The following REXO4 variants were observed in gnomAD, a reference collection of about 807,000 sequenced individuals.
The protein encoded by REXO4 is REX4 homolog, 3'-5' exonuclease.
REXO4 carries 29 observed loss-of-function variants against 39.9 expected under a neutral mutation model. That is an observed-to-expected ratio of 0.73 (90% CI 0.54 to 0.99). REXO4 has a LOEUF of 0.99. Ranked by LOEUF, REXO4 falls within the 50% of genes least tolerant of loss-of-function variation. The pLI, the probability that REXO4 is intolerant of heterozygous loss-of-function variation, is 0.00. For missense variants in REXO4, 524 were observed against 546.5 expected, an observed-to-expected ratio of 0.96 and a Z score of 0.41; for synonymous variants, 184 against 206.2, an observed-to-expected ratio of 0.89 and a Z score of 0.92.
rs782156575 is a variant in REXO4 at position 133,407,890 on chromosome 9, G to C, written c.1075-9C>G. ...AGAGACGGCCTTCCACTCTGCAAAGGGGGAAGAGGCGGGTGGGGGCCTCTG... is the reference window on the plus strand; with the variant it reads ...AGAGACGGCCTTCCACTCTGCAAAGCGGGAAGAGGCGGGTGGGGGCCTCTG... On this transcript the variant is annotated splice_polypyrimidine_tract_variant and intron_variant, in intron 6 of 7. Coordinates refer to ENST00000371942, the MANE Select transcript of REXO4 (RefSeq NM_020385.4). The C allele has an allele frequency of 3.8e-5, 61 of 1,612,302 alleles. No individual in the cohort carries two copies. Among genetic ancestry groups the C allele is most frequent in the Middle Eastern group, 1.6e-4 (1 of 6,080 alleles).
intron 5 of REXO4, among the ~76,000 whole-genome samples, chr9:133,409,650 C>T (rs950591297): frequency 6.6e-6 from 1 of 152,178 alleles, no homozygotes; most frequent in Non-Finnish European, 1.5e-5. Flanking sequence ...CAGCCTTAAC[C>T]TCCTGGGCTC....
intron 5 of REXO4, among the ~76,000 whole-genome samples, chr9:133,410,432 T>C (rs961751939): frequency 6.6e-6 from 1 of 152,232 alleles, no homozygotes; most frequent in Non-Finnish European, 1.5e-5. Flanking sequence ...CCATGACGCC[T>C]TCCCTGCCCA....
Position 133,413,027 on chromosome 9 carries a change from G to A in REXO4, c.573-106C>T, listed in dbSNP as rs1839319243. 3.2e-6 allele frequency: 4 copies of A among 1,269,306 alleles called. No individual in the cohort carries two copies. The Admixed American group carries it at 8.3e-5, about 26-fold the overall frequency. The allele number at this position is 1,269,306 out of a possible 1,614,324, so 78.6% of individuals were successfully genotyped here. ...GGTGAGTGGAGCGATGGCACAGCCT[G>A]CCTCTCCCACAGGCTGGCCCCAGAC... On this transcript the variant is annotated intron_variant, in intron 2 of 7. Transcript: ENST00000371942.
intron 1 of REXO4, among the ~76,000 whole-genome samples, chr9:133,416,804 G>T (rs587683055): frequency 3.3e-5 from 5 of 152,304 alleles, no homozygotes; most frequent in African/African-American, 1.2e-4. Flanking sequence ...TAGCGATGAT[G>T]GAAGTGTCCA....
intron 6 of REXO4, among the ~76,000 whole-genome samples, chr9:133,408,365 G>A (rs1417141885): frequency 6.6e-6 from 1 of 152,096 alleles, no homozygotes; most frequent in African/African-American, 2.4e-5. Context: ...AGGCTAAGGT[G>A]GAAGGATTGC....
chr9:133,411,040 G>A lies in REXO4; in HGVS notation c.944C>T (p.Ala315Val). ...TAGAATTCTGCCCTTCAGCATCTCT[G>A]CCACTTCCTTCTGAACAACTTCAAG... ...EELEVVQKEV[A>V]EMLKGRILVG... is the part of the protein sequence containing the mutation. The change falls in exon 5 of 8, where the codon GCA becomes GTA. Residue 315 changes from alanine (A) to valine (V), a missense_variant. Transcript: ENST00000371942. The A allele has an allele frequency of 6.2e-7, 1 of 1,614,092 alleles. No homozygotes were observed. The highest frequency in any genetic ancestry group is 8.5e-7 in the Non-Finnish European group (1 of 1,179,996).
chr9:133,410,275 T>C (rs782325097), intron 5 of REXO4, among the ~76,000 whole-genome samples: 1 of 152,208 alleles, frequency 6.6e-6, no homozygotes, highest in Non-Finnish European at 1.5e-5. Flanking sequence ...CTGTTCCCAC[T>C]GTGTCCTTTA....
At position 133,417,785 on chromosome 9, in the gene REXO4, C is replaced by A; in HGVS notation, c.60G>T (p.Pro20=). Residue 20 remains proline, a synonymous_variant, in exon 1 of 8, where the codon CCG becomes CCT. Transcript: ENST00000371942. ...TCCGAGTGAGCGTCTTGACAGGACC[C>A]GGCTTAGCCACGGGGCTGCTCGGGG... is the stretch of plus-strand genomic sequence containing the variant. The part of the protein sequence containing the change: ...KRAPSSPVAK[P]GPVKTLTRKK... The A allele has an allele frequency of 6.2e-7, 1 of 1,610,442 alleles. No individual in the cohort carries two copies. The highest frequency in any genetic ancestry group is 8.5e-7 in the Non-Finnish European group (1 of 1,179,872).
rs1554781214 is a variant in REXO4 at position 133,414,876 on chromosome 9, C to G, written c.361G>C (p.Ala121Pro). The G allele has an allele frequency of 1.2e-6, 2 of 1,614,140 alleles. No individual in the cohort carries two copies. Among genetic ancestry groups the G allele is most frequent in the Non-Finnish European group, 1.7e-6 (2 of 1,180,024 alleles). ...SPQVKGEEMP[A>P]GKDQEASRGS... ...CTGCTGGCCTCCTGGTCTTTTCCTG[C>G]CGGCATCTCCTCTCCCTTCACTTGA... Residue 121 changes from alanine (A) to proline (P), a missense_variant, in exon 2 of 8, where the codon GCA becomes CCA. Transcript: ENST00000371942.
Position 133,412,291 on chromosome 9 carries a change from T to A in REXO4, c.910+8A>T, listed in dbSNP as rs182537099. On this transcript the variant is annotated splice_region_variant and intron_variant, in intron 4 of 7. Transcript: ENST00000371942. ...CCCTTCTAAGTTCCTGAGCTGTGGATGACATACCCTGCTTGAGGTTCTCAG... is the reference window on the plus strand; with the variant it reads ...CCCTTCTAAGTTCCTGAGCTGTGGAAGACATACCCTGCTTGAGGTTCTCAG... The A allele has an allele frequency of 2.5e-6, 4 of 1,612,660 alleles. No homozygotes were observed. Among genetic ancestry groups the A allele is most frequent in the African/African-American group, 2.7e-5 (2 of 75,026 alleles).
At chr9:133,417,038 T>C (rs1839667931) in intron 1 of REXO4, among the ~76,000 whole-genome samples, 2 of 152,156 alleles carry the variant, frequency 1.3e-5, no homozygotes, top group Admixed American at 6.5e-5. Flanking sequence ...TGAGATGGAG[T>C]CTCGCTCTGT....
At chr9:133,414,588 A>G in intron 2 of REXO4, 77 bp downstream of exon 2, 1 of 1,306,062 alleles carries the variant, frequency 7.7e-7, no homozygotes, top group Admixed American at 1.7e-5. Flanking sequence ...CGGTGAGGCC[A>G]CCAGCCTCCA....
rs1228376554 is a variant in REXO4, at chr9:133,412,419, G to A, written c.790C>T (p.Arg264Cys). 2.5e-6 allele frequency: 4 copies of A among 1,614,022 alleles called. No homozygotes were observed. Among genetic ancestry groups the A allele is most frequent in the African/African-American group, 1.3e-5 (1 of 74,990 alleles). ...CCATACTGGTTCACGATGGACACAC[G>A]GGCGGCCATGCTCTCCTCCCCCTTA... The part of the protein sequence containing the change: ...GPKGEESMAA[R>C]VSIVNQYGKC... Residue 264 changes from arginine (R) to cysteine (C), a missense_variant, in exon 4 of 8, where the codon CGT (arginine) becomes TGT (cysteine). Transcript: ENST00000371942.
At position 133,416,301 on chromosome 9, in the gene REXO4, G is replaced by A. The variant is rs1839596845; in HGVS notation, c.226-1290C>T. ...GGAGGGCACCAAGTCATTCATGAGGGATCTACCCCCATGACCCAATACCTC... is the reference window on the plus strand; with the variant it reads ...GGAGGGCACCAAGTCATTCATGAGGAATCTACCCCCATGACCCAATACCTC... On this transcript the variant is annotated intron_variant, in intron 1 of 7. Coordinates refer to ENST00000371942, the MANE Select transcript of REXO4 (RefSeq NM_020385.4). Among the ~76,000 whole-genome samples, 5 of 152,264 alleles carry A rather than the reference G, an allele frequency of 3.3e-5. No homozygotes were observed. The South Asian group carries it at 6.2e-4, about 19-fold the overall frequency.
In REXO4 at chr9:133,406,994, G is replaced by A; in HGVS notation, c.1228C>T (p.Pro410Ser). 6.2e-7 allele frequency: 1 copy of A among 1,612,912 alleles called. No homozygotes were observed. Among genetic ancestry groups the A allele is most frequent in the Non-Finnish European group, 8.5e-7 (1 of 1,180,000 alleles). Reference protein sequence around the residue: ...EWESMARDRRPLLTAPDHCSD... With the variant: ...EWESMARDRRSLLTAPDHCSD... ...CAGTGGTCTGGAGCAGTCAGCAGGGGGCGCCTGTCTCGGGCCATGCTCTCC... is the reference window on the plus strand; with the variant it reads ...CAGTGGTCTGGAGCAGTCAGCAGGGAGCGCCTGTCTCGGGCCATGCTCTCC... Residue 410 changes from proline to serine, a missense_variant, in exon 8 of 8, where the codon CCC becomes TCC. Physicochemically the swap from Pro to Ser is moderately conservative, Grantham distance 74 (BLOSUM62 -1). Transcript: ENST00000371942.
rs1588126164 is a variant in REXO4, at chr9:133,406,617, G to C, written c.*336C>G. 2 of 326,622 alleles carry C rather than the reference G, an allele frequency of 6.1e-6. No homozygotes were observed. Among genetic ancestry groups the C allele is most frequent in the Non-Finnish European group, 1.2e-5 (2 of 168,962 alleles). The allele number at this position is 326,622 out of a possible 1,614,324, so 20.2% of individuals were successfully genotyped here. On this transcript the variant is annotated 3_prime_UTR_variant, in exon 8 of 8. Transcript: ENST00000371942. ...TCACCCCAGGGTGTCACCGAAGATG[G>C]GCAGTGACAGCACCGTATGGACTGG... is the stretch of plus-strand genomic sequence containing the variant.
intron 6 of REXO4, 37 bp downstream of exon 6, chr9:133,408,731 G>T: frequency 2.8e-6 from 4 of 1,407,454 alleles, no homozygotes; most frequent in Non-Finnish European, 3.0e-6. Context: ...CAGCAAAACA[G>T]AAATACAGTA....
In REXO4 at chr9:133,415,295, G is replaced by C. The variant is rs1281400142; in HGVS notation, c.226-284C>G. 2.6e-5 allele frequency among the ~76,000 whole-genome samples: 4 copies of C among 151,986 alleles called. No homozygotes were observed. In the East Asian group the frequency reaches 7.7e-4, roughly 29 times the overall value. ...AATGTCAAACTCATTCTACACCTTG[G>C]GTACCTGTTGAGTGGCTGGACACCA... is the stretch of plus-strand genomic sequence containing the variant. On this transcript the variant is annotated intron_variant, in intron 1 of 7. Coordinates refer to ENST00000371942, the MANE Select transcript of REXO4 (RefSeq NM_020385.4).
At chr9:133,410,881 G>T in intron 5 of REXO4, 104 bp downstream of exon 5, 1 of 815,542 alleles carries the variant, frequency 1.2e-6, no homozygotes, top group East Asian at 2.5e-5. Context: ...TCCCAACATA[G>T]AGCACAAACC....
Sources: gnomAD v4.1 joint callset for allele counts (sites outside exome capture counted in the v4.1 genomes callset) on GRCh38, gnomAD v4.1.1 for gene constraint, MANE v1.5 for transcripts, NCBI Gene and HGNC (gene_info 2026-07-23, HGNC 2026-07-21) for gene names.